The following GRAMD1B variants were observed in gnomAD, a reference collection of about 807,000 sequenced individuals.
GRAMD1B encodes the protein protein Aster-B.
GRAMD1B carries 37 observed loss-of-function variants against 99.7 expected under a neutral mutation model. The ratio of observed to expected loss-of-function variants is 0.37; its 90% CI spans 0.29 to 0.49. The LOEUF is 0.49. GRAMD1B is among the 20% of genes least tolerant of loss of function. The pLI, the probability that GRAMD1B is intolerant of heterozygous loss-of-function variation, is 0.98. For missense variants in GRAMD1B, 888 were observed against 1,009.2 expected, an observed-to-expected ratio of 0.88 and a Z score of 1.63; for synonymous variants, 427 against 387.6, an observed-to-expected ratio of 1.10 and a Z score of -1.19.
At chr11:123,360,404 G>A (rs986490813) in intron 1 of GRAMD1B, among the ~76,000 whole-genome samples, 6 of 152,206 alleles carry the variant, frequency 3.9e-5, no homozygotes, top group Admixed American at 2.0e-4. Context: ...TTCCTTTGGC[G>A]TATTTATTTG....
chr11:123,544,153 G>A (rs1944829041), intron 2 of GRAMD1B, among the ~76,000 whole-genome samples: 1 of 152,176 alleles, frequency 6.6e-6, no homozygotes, highest in African/African-American at 2.4e-5. Context: ...GGCCTTTTGA[G>A]GAGAGATTGA....
chr11:123,455,482 C>T (rs977456134), intron 1 of GRAMD1B, among the ~76,000 whole-genome samples: 7 of 152,030 alleles, frequency 4.6e-5, no homozygotes, highest in Non-Finnish European at 7.4e-5. Flanking sequence ...TACACTGGAA[C>T]CCCTTCTGAT....
intron 1 of GRAMD1B, among the ~76,000 whole-genome samples, chr11:123,479,924 T>G (rs1951495933): frequency 6.6e-6 from 1 of 152,176 alleles, no homozygotes; most frequent in Non-Finnish European, 1.5e-5. Context: ...CACCCTTAGC[T>G]CACGGGGCTG....
intron 1 of GRAMD1B, chr11:123,435,465 T>A (rs771844167): frequency 3.1e-5 from 22 of 702,632 alleles, no homozygotes; most frequent in Non-Finnish European, 5.5e-5. Context: ...TGCACAAAGT[T>A]GAAAATATGA....
In GRAMD1B at chr11:123,594,785, C is replaced by A; in HGVS notation, c.820C>A (p.Leu274Ile). The A allele has an allele frequency of 6.2e-7, 1 of 1,608,774 alleles. No individual in the cohort carries two copies. Among genetic ancestry groups the A allele is most frequent in the Non-Finnish European group, 8.5e-7 (1 of 1,175,206 alleles). The change falls in exon 6 of 20, where the codon CTC (leucine) becomes ATC (isoleucine). Residue 274 changes from leucine (L) to isoleucine (I), a missense_variant. Physicochemically the swap from Leu to Ile is conservative, Grantham distance 5. This residue lies in a region of GRAMD1B where 62 missense variants were observed against 139.4 expected (regional missense o/e 0.44). Coordinates refer to ENST00000635736, the MANE Select transcript of GRAMD1B (RefSeq NM_001387025.1). ...CATTCTCCTTCAGGGCCGACTCTACCTCTCTGAAAATTGGATCTGCTTCTA... is the reference window on the plus strand; with the variant it reads ...CATTCTCCTTCAGGGCCGACTCTACATCTCTGAAAATTGGATCTGCTTCTA... ...RDILLQGRLYLSENWICFYSN... is the reference protein window; with the variant it reads ...RDILLQGRLYISENWICFYSN...
At chr11:123,588,282 G>T (rs1372472705) in intron 4 of GRAMD1B, among the ~76,000 whole-genome samples, 1 of 151,952 alleles carries the variant, frequency 6.6e-6, no homozygotes, top group African/African-American at 2.4e-5. Context: ...AGCTCCTGGT[G>T]TTTGCCGTAG....
chr11:123,384,898 C>G (rs541890014), intron 1 of GRAMD1B, among the ~76,000 whole-genome samples: 2 of 152,170 alleles, frequency 1.3e-5, no homozygotes, highest in Non-Finnish European at 2.9e-5. Context: ...GCAAAAGAAA[C>G]TATAAATAAA....
intron 2 of GRAMD1B, among the ~76,000 whole-genome samples, chr11:123,522,865 A>G (rs1942332042): frequency 6.6e-6 from 1 of 152,206 alleles, no homozygotes; most frequent in Non-Finnish European, 1.5e-5. Context: ...TGTTACCTGG[A>G]TTCTTTTTCT....
intron 1 of GRAMD1B, among the ~76,000 whole-genome samples, chr11:123,361,469 C>T (rs1355341184): frequency 6.6e-6 from 1 of 152,094 alleles, no homozygotes; most frequent in East Asian, 1.9e-4. Flanking sequence ...GTCTGCTGCA[C>T]TTCATACTCT....
At chr11:123,470,540 G>T (rs1454529594) in intron 1 of GRAMD1B, among the ~76,000 whole-genome samples, 2 of 138,414 alleles carry the variant, frequency 1.4e-5, no homozygotes, top group African/African-American at 5.4e-5. Flanking sequence ...TTGAGGCGGG[G>T]TCTCACTCTG....
At chr11:123,539,332 T>TACA in intron 2 of GRAMD1B, among the ~76,000 whole-genome samples, 1 of 152,192 alleles carries the variant, frequency 6.6e-6, no homozygotes, top group Non-Finnish European at 1.5e-5. Context: ...TTAAATGTGG[T>TACA]GGCTCACGCC....
intron 1 of GRAMD1B, among the ~76,000 whole-genome samples, chr11:123,449,219 T>C (rs967288495): frequency 1.3e-5 from 2 of 152,246 alleles, no homozygotes; most frequent in African/African-American, 4.8e-5. Context: ...CGTGCTCGCA[T>C]TGTATCGTTT....
chr11:123,563,520 T>C (rs571556394), intron 2 of GRAMD1B, among the ~76,000 whole-genome samples: 1 of 151,650 alleles, frequency 6.6e-6, no homozygotes, highest in African/African-American at 2.4e-5. Flanking sequence ...TTTTTTTTTT[T>C]CTTTTTTTTG....
chr11:123,364,354 A>G (rs1279006858), intron 1 of GRAMD1B, among the ~76,000 whole-genome samples: 1 of 152,244 alleles, frequency 6.6e-6, no homozygotes, highest in Admixed American at 6.5e-5. Context: ...ATAAAAAGGT[A>G]TCTTCGTCTC....
chr11:123,464,493 C>T (rs1284670473), intron 1 of GRAMD1B, among the ~76,000 whole-genome samples: 1 of 152,110 alleles, frequency 6.6e-6, no homozygotes, highest in Non-Finnish European at 1.5e-5. Context: ...AAATCAGCCC[C>T]CTCCACCAAT....
intron 1 of GRAMD1B, among the ~76,000 whole-genome samples, chr11:123,389,200 T>C (rs1947185684): frequency 6.6e-6 from 1 of 151,996 alleles, no homozygotes; most frequent in African/African-American, 2.4e-5. Flanking sequence ...CTGGCTAACA[T>C]GGTGAAACCC....
chr11:123,414,653 C>A (rs928978341), intron 1 of GRAMD1B, among the ~76,000 whole-genome samples: 6 of 152,070 alleles, frequency 3.9e-5, no homozygotes, highest in Non-Finnish European at 7.3e-5. Flanking sequence ...TTTACTTAAT[C>A]ATTATGTCCA....
chr11:123,425,154 G>A (rs1268752113), intron 1 of GRAMD1B, among the ~76,000 whole-genome samples: 1 of 152,162 alleles, frequency 6.6e-6, no homozygotes, highest in African/African-American at 2.4e-5. Flanking sequence ...TAACTTAACC[G>A]TAATAAAACT....
rs1167336844 is a variant in GRAMD1B, at chr11:123,624,863, T to C, written c.*2268T>C. 1.3e-5 allele frequency: 2 copies of C among 152,200 alleles called. No homozygotes were observed. The highest frequency in any genetic ancestry group is 4.8e-5 in the African/African-American group (2 of 41,432). 9.4% of individuals were successfully genotyped at this position (152,200 alleles called of 1,614,324 possible). On this transcript the variant is annotated 3_prime_UTR_variant, in exon 20 of 20. Transcript: ENST00000635736. Reference sequence around the variant, plus strand: ...CAGAGCAGACCTGGCCGCAGGGAGTTGTTCTGCTTCTGCTTTACCTCTCAG... The same window carrying C: ...CAGAGCAGACCTGGCCGCAGGGAGTCGTTCTGCTTCTGCTTTACCTCTCAG...
Sources: allele counts gnomAD v4.1 joint callset (sites outside exome capture counted in the v4.1 genomes callset), GRCh38; gene constraint gnomAD v4.1.1; regional missense constraint gnomAD v4.1.1; transcripts MANE v1.5; gene names NCBI Gene and HGNC (gene_info 2026-07-23, HGNC 2026-07-21).